ANKRD44: variants seen among roughly 807,000 people sequenced by gnomAD.
ANKRD44 encodes the protein serine/threonine-protein phosphatase 6 regulatory ankyrin repeat subunit B.
In ANKRD44, 35 loss-of-function variants were observed where a neutral mutation model predicts 116.0. That is an observed-to-expected ratio of 0.30 (90% CI 0.23 to 0.40). ANKRD44 has a LOEUF of 0.40. Ranked by LOEUF, ANKRD44 falls within the 10% of genes least tolerant of loss-of-function variation. The pLI, the probability that ANKRD44 is intolerant of heterozygous loss-of-function variation, is 1.00. For synonymous variants in ANKRD44, 435 were observed against 461.8 expected, an observed-to-expected ratio of 0.94 and a Z score of 0.74; for missense variants, 1,014 against 1,242.6, an observed-to-expected ratio of 0.82 and a Z score of 2.77.
intron 15 of ANKRD44, among the ~76,000 whole-genome samples, chr2:197,079,829 T>C (rs2077753253): frequency 1.3e-5 from 2 of 152,212 alleles, no homozygotes; most frequent in Non-Finnish European, 2.9e-5. Context: ...ACCTATCTTT[T>C]GGTATAAGGC....
intron 21 of ANKRD44, among the ~76,000 whole-genome samples, chr2:196,972,591 C>T (rs1403899758): frequency 1.3e-5 from 2 of 152,170 alleles, no homozygotes; most frequent in African/African-American, 4.8e-5. Context: ...TTTGATTTAA[C>T]AGATTTTTAG....
At chr2:197,214,630 T>G (rs1019767505) in intron 1 of ANKRD44, among the ~76,000 whole-genome samples, 1 of 152,206 alleles carries the variant, frequency 6.6e-6, no homozygotes, top group African/African-American at 2.4e-5. Flanking sequence ...TTAATACCTA[T>G]CACTGATATA....
chr2:197,285,769 A>G (rs1235313461), intron 1 of ANKRD44, among the ~76,000 whole-genome samples: 1 of 152,234 alleles, frequency 6.6e-6, no homozygotes, highest in Non-Finnish European at 1.5e-5. Context: ...AAACCTCATT[A>G]TGGTTGACAA....
At chr2:197,144,303 G>T (rs979220216) in intron 3 of ANKRD44, among the ~76,000 whole-genome samples, 1 of 152,192 alleles carries the variant, frequency 6.6e-6, no homozygotes, top group Non-Finnish European at 1.5e-5. Flanking sequence ...ATAATGGGCT[G>T]TTCTGGCAAG....
At position 197,216,755 on chromosome 2, in the gene ANKRD44, A is replaced by T. The variant is rs1286043984; in HGVS notation, c.28-29649T>A. On this transcript the variant is annotated intron_variant, in intron 1 of 27. Transcript: ENST00000282272. ...CTACCTTTTCTGGACTTTTTCCAGCAGAAAAACATTTCCAACCTCACAAGC... is the reference window on the plus strand; with the variant it reads ...CTACCTTTTCTGGACTTTTTCCAGCTGAAAAACATTTCCAACCTCACAAGC... Among the ~76,000 whole-genome samples, 5 of 152,088 alleles carry T rather than the reference A, an allele frequency of 3.3e-5. No homozygotes were observed. The East Asian group carries it at 9.6e-4, about 29-fold the overall frequency.
chr2:197,162,667 A>C (rs2079997065), intron 2 of ANKRD44, among the ~76,000 whole-genome samples: 1 of 152,122 alleles, frequency 6.6e-6, no homozygotes, highest in African/African-American at 2.4e-5. Context: ...TTTCCTCTGA[A>C]ACCTCTTCTG....
intron 1 of ANKRD44, among the ~76,000 whole-genome samples, chr2:197,219,580 A>G (rs2081537772): frequency 6.6e-6 from 1 of 152,200 alleles, no homozygotes; most frequent in African/African-American, 2.4e-5. Context: ...GAAATTCAGA[A>G]GGGCTTTGAG....
intron 16 of ANKRD44, among the ~76,000 whole-genome samples, chr2:197,028,407 T>A (rs929755951): frequency 2.6e-5 from 4 of 152,168 alleles, no homozygotes; most frequent in South Asian, 2.1e-4. Flanking sequence ...TTTCTTTGTA[T>A]AGTGACACAT....
intron 20 of ANKRD44, 32 bp from the exon 21 acceptor site, chr2:197,005,942 AC>A (rs1276968441): frequency 2.5e-6 from 4 of 1,603,802 alleles, no homozygotes; most frequent in Middle Eastern, 1.7e-4. Flanking sequence ...CACAAAACAA[AC>A]CTCAGAAGAC....
At chr2:197,031,424 G>A (rs1435824565) in intron 16 of ANKRD44, among the ~76,000 whole-genome samples, 3 of 152,126 alleles carry the variant, frequency 2.0e-5, no homozygotes, top group Non-Finnish European at 4.4e-5. Flanking sequence ...GCACAGTAGA[G>A]CCCCAAACTT....
downstream of ANKRD44, chr2:196,986,568 T>C: frequency 2.7e-6 from 1 of 373,132 alleles, no homozygotes; most frequent in Non-Finnish European, 3.7e-6. Flanking sequence ...CTTGATTATT[T>C]TCTAAATTTA....
At chr2:197,309,329 TACTA>T (rs1275470836) in intron 1 of ANKRD44, among the ~76,000 whole-genome samples, 2 of 152,212 alleles carry the variant, frequency 1.3e-5, no homozygotes, top group African/African-American at 2.4e-5. Flanking sequence ...CTGCTCTTCT[TACTA>T]AATTTAACAA....
chr2:197,002,311 A>G (rs1357237864), intron 21 of ANKRD44, among the ~76,000 whole-genome samples: 3 of 152,214 alleles, frequency 2.0e-5, no homozygotes, highest in Non-Finnish European at 1.5e-5. Context: ...ATAAAATACT[A>G]TATGTGTTTT....
At chr2:197,130,086 AC>A (rs2079063142) in intron 4 of ANKRD44, among the ~76,000 whole-genome samples, 1 of 152,146 alleles carries the variant, frequency 6.6e-6, no homozygotes, top group African/African-American at 2.4e-5. Context: ...ATTTTACATT[AC>A]TCTGGGCTGA....
At chr2:197,130,093 G>A (rs1162336604) in intron 4 of ANKRD44, among the ~76,000 whole-genome samples, 1 of 152,134 alleles carries the variant, frequency 6.6e-6, no homozygotes, top group Non-Finnish European at 1.5e-5. Flanking sequence ...ATTACTCTGG[G>A]CTGATGTCCC....
intron 1 of ANKRD44, among the ~76,000 whole-genome samples, chr2:197,245,667 A>G (rs2697293): frequency 0.25 from 37,401 of 152,134 alleles, 4,793 homozygotes; most frequent in African/African-American, 0.33. Context: ...TATTTTTCCT[A>G]ACAGTGGTAC....
At chr2:197,255,257 A>G (rs897222368) in intron 1 of ANKRD44, among the ~76,000 whole-genome samples, 16 of 152,204 alleles carry the variant, frequency 1.1e-4, no homozygotes, top group African/African-American at 3.6e-4. Context: ...AGCCCTGTCT[A>G]TGGGGTTACG....
intron 1 of ANKRD44, among the ~76,000 whole-genome samples, chr2:197,222,727 C>T (rs1316337444): frequency 6.6e-6 from 1 of 152,126 alleles, no homozygotes; most frequent in Non-Finnish European, 1.5e-5. Flanking sequence ...TTCTCTTAAT[C>T]CTAATTTTTT....
intron 10 of ANKRD44, among the ~76,000 whole-genome samples, chr2:197,096,443 GAAGAT>G (rs1231666647): frequency 6.6e-6 from 1 of 152,146 alleles, no homozygotes; most frequent in Non-Finnish European, 1.5e-5. Flanking sequence ...CAAAATTAAA[GAAGAT>G]AAACCAAAGG....
Sources: allele counts gnomAD v4.1 joint callset (sites outside exome capture counted in the v4.1 genomes callset), GRCh38; gene constraint gnomAD v4.1.1; transcripts MANE v1.5; gene names NCBI Gene and HGNC (gene_info 2026-07-23, HGNC 2026-07-21).